Variants in ATE1 observed in about 807,000 individuals in gnomAD.
The protein encoded by ATE1 is arginyl-tRNA--protein transferase 1.
A neutral mutation model predicts 70.5 loss-of-function variants in ATE1; 36 were observed. The ratio of observed to expected loss-of-function variants is 0.51; its 90% confidence interval spans 0.39 to 0.67. ATE1 has a LOEUF of 0.67. Ranked by LOEUF, ATE1 falls within the 30% of genes least tolerant of loss-of-function variation. ATE1 has a pLI of 0.00. For synonymous variants in ATE1, 232 were observed against 219.3 expected, an observed-to-expected ratio of 1.06 and a Z score of -0.51; for missense variants, 593 against 629.5, an observed-to-expected ratio of 0.94 and a Z score of 0.62.
Position 121,852,667 on chromosome 10 carries a change from C to T in ATE1, c.976-11404G>A, listed in dbSNP as rs565197565. Among the ~76,000 whole-genome samples the T allele has an allele frequency of 2.9e-3, 445 of 152,172 alleles. 4 individuals carry two copies. The highest frequency in any genetic ancestry group is 9.9e-3 in the African/African-American group (413 of 41,518). ...CAGAGGTTGCAGTGAGCTGAGATCG[C>T]ACCACTGCACTCCAGCCTGAGCAAC... On this transcript the variant is annotated intron_variant, in intron 8 of 11. Transcript: ENST00000224652.
At chr10:121,858,390 T>C (rs1189511942) in intron 8 of ATE1, among the ~76,000 whole-genome samples, 2 of 152,014 alleles carry the variant, frequency 1.3e-5, no homozygotes, top group African/African-American at 4.8e-5. Flanking sequence ...TGAAGTGATA[T>C]CTCATTTTGG....
chr10:121,849,190 G>C (rs942713935), intron 8 of ATE1, among the ~76,000 whole-genome samples: 1 of 142,082 alleles, frequency 7.0e-6, no homozygotes, highest in African/African-American at 2.6e-5. Context: ...CAGCCTGGGT[G>C]ACAGGATCAA....
chr10:121,755,610 A>G (rs1944767320), intron 11 of ATE1, among the ~76,000 whole-genome samples: 1 of 152,234 alleles, frequency 6.6e-6, no homozygotes, highest in Non-Finnish European at 1.5e-5. Flanking sequence ...TTGGGCTCAC[A>G]GTTCCATGTG....
intron 7 of ATE1, among the ~76,000 whole-genome samples, chr10:121,872,323 T>C (rs569136648): frequency 2.0e-5 from 3 of 152,318 alleles, no homozygotes; most frequent in Non-Finnish European, 2.9e-5. Flanking sequence ...TTTTTCAAAA[T>C]AGACCTAAAA....
intron 11 of ATE1, among the ~76,000 whole-genome samples, chr10:121,755,716 C>T (rs1944772319): frequency 2.0e-5 from 3 of 152,104 alleles, no homozygotes; most frequent in Admixed American, 1.3e-4. Context: ...CAGGGCAACT[C>T]CCATTTTTAA....
chr10:121,776,755 G>A (rs1000387331), intron 11 of ATE1, among the ~76,000 whole-genome samples: 5 of 152,264 alleles, frequency 3.3e-5, no homozygotes, highest in Non-Finnish European at 7.3e-5. Flanking sequence ...CGTGTGCACA[G>A]ATACATGAAA....
chr10:121,927,984 C>T lies in ATE1; in HGVS notation c.-35G>A. The T allele has an allele frequency of 6.9e-7, 1 of 1,450,838 alleles. No individual in the cohort carries two copies. The allele number at this position is 1,450,838 out of a possible 1,614,324, so 89.9% of individuals were successfully genotyped here. ...CCCGCGAACGCTCAGCCGCCCGGCC[C>T]CGCGTCGCTAGCGCGGCCGCCGCCG... On this transcript the variant is annotated 5_prime_UTR_variant, in exon 1 of 12. Coordinates refer to ENST00000224652, the MANE Select transcript of ATE1 (RefSeq NM_001001976.3).
At chr10:121,790,395 A>G (rs1014721510) in intron 10 of ATE1, 106 bp from the exon 11 acceptor site, 2 of 1,392,632 alleles carry the variant, frequency 1.4e-6, no homozygotes, top group African/African-American at 2.9e-5. Flanking sequence ...CTTAAAAGTC[A>G]ACCAGAAACT....
At chr10:121,824,793 G>A (rs371938153) in intron 10 of ATE1, among the ~76,000 whole-genome samples, 1 of 151,860 alleles carries the variant, frequency 6.6e-6, no homozygotes, top group Non-Finnish European at 1.5e-5. Context: ...AGATAATATG[G>A]GGGAAAAAAT....
intron 9 of ATE1, among the ~76,000 whole-genome samples, chr10:121,838,785 T>A (rs1413349855): frequency 6.6e-6 from 1 of 152,132 alleles, no homozygotes; most frequent in Non-Finnish European, 1.5e-5. Context: ...GCCATGCTCA[T>A]GATCCCCAAT....
intron 3 of ATE1, among the ~76,000 whole-genome samples, chr10:121,916,087 C>T (rs1422143025): frequency 2.0e-5 from 3 of 150,338 alleles, no homozygotes; most frequent in Non-Finnish European, 3.0e-5. Flanking sequence ...ATTAGCCGGG[C>T]GTGGTGGCAG....
chr10:121,927,303 G>A (rs1952132873), intron 1 of ATE1: 2 of 985,074 alleles, frequency 2.0e-6, no homozygotes, highest in Non-Finnish European at 2.4e-6. Context: ...CGCCGGTAGC[G>A]ACCGCGGTCA....
chr10:121,881,609 T>C (rs570258211), intron 7 of ATE1, among the ~76,000 whole-genome samples: 2 of 140,918 alleles, frequency 1.4e-5, no homozygotes, highest in African/African-American at 5.3e-5. Flanking sequence ...ACAGTGATCA[T>C]AATACTTACA....
intron 5 of ATE1, among the ~76,000 whole-genome samples, chr10:121,909,550 CTA>C (rs1951338233): frequency 6.6e-6 from 1 of 152,054 alleles, no homozygotes; most frequent in African/African-American, 2.4e-5. Context: ...ACAAGAGTGG[CTA>C]TGACATGAGT....
intron 7 of ATE1, among the ~76,000 whole-genome samples, chr10:121,882,559 T>C (rs12266380): frequency 0.13 from 20,069 of 152,152 alleles, 1,523 homozygotes; most frequent in East Asian, 0.19. Context: ...GCCACACAGG[T>C]AGTAGGTAGA....
Position 121,859,254 on chromosome 10 carries a change from TA to T in ATE1, c.975+10751del, listed in dbSNP as rs1041319236. 4.0e-5 allele frequency among the ~76,000 whole-genome samples: 6 copies of T among 150,318 alleles called. No individual in the cohort carries two copies. In the East Asian group the frequency reaches 7.8e-4, roughly 20 times the overall value. Reference sequence around the variant, plus strand: ...TGAAAGAAAAGTTATTATTTTATTTTATTTTATTTTTTTTTTTTTTGAGACG... The same window carrying T: ...TGAAAGAAAAGTTATTATTTTATTTTTTTTATTTTTTTTTTTTTTGAGACG... On this transcript the variant is annotated intron_variant, in intron 8 of 11. Coordinates refer to ENST00000224652, the MANE Select transcript of ATE1 (RefSeq NM_001001976.3).
chr10:121,927,742 T>C lies in ATE1; in HGVS notation c.106+102A>G, dbSNP rs1952157654. ...GCCCCCTCCGTCTCGGCCGTGGCAC[T>C]GGGGCCAGGGGCTCCGGCCCCCTCG... On this transcript the variant is annotated intron_variant, in intron 1 of 11. Coordinates refer to ENST00000224652, the MANE Select transcript of ATE1 (RefSeq NM_001001976.3). The C allele has an allele frequency of 3.6e-6, 5 of 1,384,684 alleles. No individual in the cohort carries two copies. The Admixed American group carries it at 1.6e-4, about 43-fold the overall frequency. 85.8% of individuals were successfully genotyped at this position (1,384,684 alleles called of 1,614,324 possible). A position where few individuals can be genotyped will look rare whatever the true frequency, so the allele number is the denominator to read the frequency against.
chr10:121,885,260 CAA>C (rs1212899309), intron 7 of ATE1, among the ~76,000 whole-genome samples: 3,467 of 32,728 alleles, frequency 0.11, 17 homozygotes, highest in East Asian at 0.19. Context: ...GACTCCGTCT[CAA>C]AAAAAAAAAA....
intron 10 of ATE1, among the ~76,000 whole-genome samples, chr10:121,817,382 C>CA (rs1947592175): frequency 6.6e-6 from 1 of 152,006 alleles, no homozygotes; most frequent in Non-Finnish European, 1.5e-5. Flanking sequence ...CACAGACACA[C>CA]AAAAAAATTA....
Sources: allele counts gnomAD v4.1 joint callset (sites outside exome capture counted in the v4.1 genomes callset), GRCh38; gene constraint gnomAD v4.1.1; transcripts MANE v1.5; gene names NCBI Gene and HGNC (gene_info 2026-07-23, HGNC 2026-07-21).